KCNQ5: variants seen among roughly 807,000 people sequenced by gnomAD.
The protein encoded by KCNQ5 is potassium voltage-gated channel subfamily Q member 5.
A neutral mutation model predicts 98.2 loss-of-function variants in KCNQ5; 30 were observed. The ratio of observed to expected loss-of-function variants is 0.31; its 90% confidence interval spans 0.23 to 0.41. The LOEUF is 0.41. Among genes scored for constraint, KCNQ5 ranks in the 10% least tolerant of loss-of-function variants. The probability of loss-of-function intolerance (pLI) is 1.00; values close to 1 mark genes in which losing one functional copy is unlikely to be tolerated. For synonymous variants in KCNQ5, 458 were observed against 449.4 expected (o/e 1.02, Z -0.24); for missense variants, 835 against 1,182.5 (o/e 0.71, Z 4.31).
intron 9 of KCNQ5, among the ~76,000 whole-genome samples, chr6:73,126,992 A>G (rs1427580036): frequency 2.6e-5 from 4 of 152,172 alleles, no homozygotes; most frequent in Non-Finnish European, 5.9e-5. Context: ...GCAATAATCT[A>G]AGGAAAGTAA....
intron 1 of KCNQ5, among the ~76,000 whole-genome samples, chr6:72,778,825 G>T (rs975938072): frequency 2.6e-5 from 4 of 152,146 alleles, no homozygotes; most frequent in Non-Finnish European, 5.9e-5. Flanking sequence ...GAAGAGAGTT[G>T]TATCCCAGAG....
In KCNQ5 at chr6:73,195,077, T is replaced by C. The variant is rs756665778; in HGVS notation, c.2462T>C (p.Met821Thr). The C allele has an allele frequency of 1.1e-5, 18 of 1,614,228 alleles. No homozygotes were observed. Among genetic ancestry groups the C allele is most frequent in the Non-Finnish European group, 1.4e-5 (17 of 1,180,044 alleles). The change falls in exon 14 of 14, where the codon ATG (methionine) becomes ACG (threonine). Residue 821 changes from methionine (M) to threonine (T), a missense_variant. Physicochemically the swap from Met to Thr is moderately conservative, Grantham distance 81. Transcript: ENST00000370398. ...GAAACTCTGTTGTCTGTCTGTCCCA[T>C]GGTGCCGAAGGACTTGGGCAAATCT... ...GGETLLSVCPMVPKDLGKSLS... is the reference protein window; with the variant it reads ...GGETLLSVCPTVPKDLGKSLS...
intron 1 of KCNQ5, among the ~76,000 whole-genome samples, chr6:72,874,347 C>T (rs1778323988): frequency 1.3e-5 from 2 of 151,984 alleles, no homozygotes; most frequent in Non-Finnish European, 2.9e-5. Context: ...GATAAATATG[C>T]ACTAAATTTC....
At chr6:72,820,278 G>A (rs1775691953) in intron 1 of KCNQ5, among the ~76,000 whole-genome samples, 1 of 152,104 alleles carries the variant, frequency 6.6e-6, no homozygotes, top group Non-Finnish European at 1.5e-5. Context: ...GAAACTGAGG[G>A]ACAAAGAGGT....
At chr6:73,046,869 C>CT (rs1407866425) in intron 3 of KCNQ5, among the ~76,000 whole-genome samples, 5 of 152,096 alleles carry the variant, frequency 3.3e-5, no homozygotes, top group Non-Finnish European at 5.9e-5. Flanking sequence ...TCTTGAACTC[C>CT]TGGCCTCAAG....
intron 1 of KCNQ5, among the ~76,000 whole-genome samples, chr6:72,775,454 A>T (rs1488999069): frequency 6.6e-6 from 1 of 152,226 alleles, no homozygotes; most frequent in Non-Finnish European, 1.5e-5. Flanking sequence ...GAAGGAGAAG[A>T]GACACATTTG....
chr6:73,156,035 A>G (rs7765352), intron 10 of KCNQ5, among the ~76,000 whole-genome samples: 50,833 of 152,040 alleles, frequency 0.33, 9,203 homozygotes, highest in Middle Eastern at 0.46. Flanking sequence ...GGGCCCAAGC[A>G]GTTACTCTAA....
At chr6:72,816,914 G>A (rs956806594) in intron 1 of KCNQ5, among the ~76,000 whole-genome samples, 58 of 152,282 alleles carry the variant, frequency 3.8e-4, no homozygotes, top group African/African-American at 1.3e-3. Context: ...CAAAGAGTAG[G>A]GAGAAACAGT....
intron 1 of KCNQ5, among the ~76,000 whole-genome samples, chr6:72,756,685 G>A (rs114092251): frequency 1.8e-3 from 279 of 152,026 alleles, no homozygotes; most frequent in African/African-American, 6.5e-3. Flanking sequence ...GGGGGTGATG[G>A]TATCTGCTGA....
At position 73,093,594 on chromosome 6, in the gene KCNQ5, G is replaced by C. The variant is rs189630534; in HGVS notation, c.919-11663G>C. Among the ~76,000 whole-genome samples, 272 of 152,198 alleles carry C rather than the reference G, an allele frequency of 1.8e-3. 1 individual carries two copies. Among genetic ancestry groups the C allele is most frequent in the African/African-American group, 6.0e-3 (250 of 41,554 alleles). ...GCCTTTGCTGTGTCCCAGAGATCTTGATATGTTGTGTCATTGTTGCCATTC... is the reference window on the plus strand; with the variant it reads ...GCCTTTGCTGTGTCCCAGAGATCTTCATATGTTGTGTCATTGTTGCCATTC... On this transcript the variant is annotated intron_variant, in intron 5 of 13. Transcript: ENST00000370398.
At chr6:72,806,724 A>C (rs1268122894) in intron 1 of KCNQ5, 1 of 398,880 alleles carries the variant, frequency 2.5e-6, no homozygotes, top group African/African-American at 2.2e-5. Flanking sequence ...CCATATTTTG[A>C]TTTGGCTTGT....
At chr6:72,734,953 A>T (rs1191323130) in intron 1 of KCNQ5, among the ~76,000 whole-genome samples, 1 of 152,148 alleles carries the variant, frequency 6.6e-6, no homozygotes, top group Non-Finnish European at 1.5e-5. Context: ...GATAATTCTA[A>T]TATCAGTCAA....
At position 72,965,444 on chromosome 6, in the gene KCNQ5, A is replaced by G. The variant is rs114572480; in HGVS notation, c.399-38464A>G. Among the ~76,000 whole-genome samples, 1,146 of 152,300 alleles carry G rather than the reference A, an allele frequency of 7.5e-3. 11 individuals carry two copies. Among genetic ancestry groups the G allele is most frequent in the African/African-American group, 0.026 (1,088 of 41,558 alleles). On this transcript the variant is annotated intron_variant, in intron 1 of 13. Transcript: ENST00000370398. Reference sequence around the variant, plus strand: ...TGGTATTTACTAATTCAGTGTTTGTAGTGACTTTACAGAACATAACTGCCA... The same window carrying G: ...TGGTATTTACTAATTCAGTGTTTGTGGTGACTTTACAGAACATAACTGCCA...
At chr6:72,828,702 T>G (rs1776108249) in intron 1 of KCNQ5, among the ~76,000 whole-genome samples, 1 of 152,140 alleles carries the variant, frequency 6.6e-6, no homozygotes, top group South Asian at 2.1e-4. Flanking sequence ...TTAAAAAAAA[T>G]CTTTGTACTA....
chr6:72,794,308 G>T (rs755060036), intron 1 of KCNQ5, among the ~76,000 whole-genome samples: 10 of 148,000 alleles, frequency 6.8e-5, no homozygotes, highest in Admixed American at 1.3e-4. Flanking sequence ...TAGAAAGTAC[G>T]AAAAATTTAA....
intron 1 of KCNQ5, among the ~76,000 whole-genome samples, chr6:72,627,457 C>T (rs55633371): frequency 0.13 from 19,930 of 152,102 alleles, 1,496 homozygotes; most frequent in Non-Finnish European, 0.18. Context: ...AAGATGCATA[C>T]GGAAAAAAGG....
chr6:73,182,231 A>G (rs1489505329), intron 11 of KCNQ5, among the ~76,000 whole-genome samples: 1 of 152,110 alleles, frequency 6.6e-6, no homozygotes, highest in Non-Finnish European at 1.5e-5. Context: ...ATGTAGTTAC[A>G]CTCATTCATT....
intron 1 of KCNQ5, among the ~76,000 whole-genome samples, chr6:72,918,577 T>C (rs988167253): frequency 6.6e-6 from 1 of 151,606 alleles, no homozygotes; most frequent in African/African-American, 2.4e-5. Context: ...AGGACAGAGG[T>C]GACAGAAAAG....
chr6:73,154,155 A>G (rs1374690440), intron 10 of KCNQ5, among the ~76,000 whole-genome samples: 2 of 152,126 alleles, frequency 1.3e-5, no homozygotes, highest in Non-Finnish European at 2.9e-5. Context: ...AAATGTAGTG[A>G]GAGTGTGTTC....
Sources: allele counts gnomAD v4.1 joint callset (sites outside exome capture counted in the v4.1 genomes callset), GRCh38; gene constraint gnomAD v4.1.1; transcripts MANE v1.5; gene names NCBI Gene and HGNC (gene_info 2026-07-23, HGNC 2026-07-21).